Variants in SLCO1B1 observed in about 807,000 individuals in gnomAD.
The protein encoded by SLCO1B1 is solute carrier organic anion transporter family member 1B1.
In SLCO1B1, 81 loss-of-function variants were observed where a neutral mutation model predicts 70.1. The ratio of observed to expected loss-of-function variants is 1.16; its 90% CI spans 0.97 to 1.39. The LOEUF (loss-of-function observed/expected upper bound fraction) is 1.39, where lower values mean the gene tolerates loss of function less well. Ranked by LOEUF, SLCO1B1 falls within the 40% of genes most tolerant of loss-of-function variation. SLCO1B1 has a pLI of 0.00. For missense variants in SLCO1B1, 895 were observed against 799.6 expected (o/e 1.12, Z -1.44); for synonymous variants, 283 against 271.5 (o/e 1.04, Z -0.42).
intron 9 of SLCO1B1, 92 bp from the exon 10 acceptor site, chr12:21,202,399 G>A (rs528981550): frequency 9.8e-6 from 8 of 819,010 alleles, no homozygotes; most frequent in African/African-American, 1.7e-5. Context: ...CAATAATATT[G>A]AATAAATTTG....
intron 11 of SLCO1B1, among the ~76,000 whole-genome samples, chr12:21,213,858 G>A (rs1369275624): frequency 3.4e-5 from 5 of 148,412 alleles, no homozygotes; most frequent in Non-Finnish European, 7.4e-5. Flanking sequence ...TGATCGCATC[G>A]GCTCCTGAGG....
At position 21,210,525 on chromosome 12, in the gene SLCO1B1, A is replaced by G. The variant is rs1159259748; in HGVS notation, c.1497+4492A>G. On this transcript the variant is annotated intron_variant, in intron 11 of 14. Transcript: ENST00000256958. ...GCCTCCAGCTTTGTTCTTTTGGCTTAGGATTGACTTGGCGATGTGGGCTCT... is the reference window on the plus strand; with the variant it reads ...GCCTCCAGCTTTGTTCTTTTGGCTTGGGATTGACTTGGCGATGTGGGCTCT... Among the ~76,000 whole-genome samples the G allele has an allele frequency of 6.8e-5, 8 of 118,310 alleles. 1 individual carries two copies. Among genetic ancestry groups the G allele is most frequent in the Admixed American group, 6.6e-4 (8 of 12,150 alleles). 77.6% of individuals were successfully genotyped at this position (118,310 alleles called of 152,430 possible).
Position 21,141,543 on chromosome 12 carries a change from A to G in SLCO1B1, c.-32A>G. 7.0e-7 allele frequency: 1 copy of G among 1,422,302 alleles called. No homozygotes were observed. The highest frequency in any genetic ancestry group is 9.9e-7 in the Non-Finnish European group (1 of 1,008,208). 88.1% of individuals were successfully genotyped at this position (1,422,302 alleles called of 1,614,324 possible). A position where few individuals can be genotyped will look rare whatever the true frequency, so the allele number is the denominator to read the frequency against. ...TTGTTTCAAACTGAGCATCAACAACAAAAACATTTGTATGATATCTATATT... is the reference window on the plus strand; with the variant it reads ...TTGTTTCAAACTGAGCATCAACAACGAAAACATTTGTATGATATCTATATT... On this transcript the variant is annotated 5_prime_UTR_variant, in exon 2 of 15. Transcript: ENST00000256958.
At chr12:21,198,124 A>G (rs763390881) in intron 8 of SLCO1B1, among the ~76,000 whole-genome samples, 14 of 152,090 alleles carry the variant, frequency 9.2e-5, no homozygotes, top group Non-Finnish European at 1.8e-4. Context: ...TCCTTTCATC[A>G]GGTCTTTTAC....
At chr12:21,193,922 C>G (rs1270317255) in intron 7 of SLCO1B1, among the ~76,000 whole-genome samples, 1 of 152,248 alleles carries the variant, frequency 6.6e-6, no homozygotes, top group South Asian at 2.1e-4. Context: ...TCCCAAGTAG[C>G]TGGGACTACA....
intron 8 of SLCO1B1, among the ~76,000 whole-genome samples, chr12:21,198,548 G>C (rs1443276748): frequency 1.3e-5 from 2 of 152,052 alleles, no homozygotes; most frequent in Non-Finnish European, 2.9e-5. Context: ...GACAATTGTA[G>C]ACATAATCTC....
intron 2 of SLCO1B1, among the ~76,000 whole-genome samples, chr12:21,150,680 C>T (rs573434215): frequency 6.6e-6 from 1 of 152,218 alleles, no homozygotes; most frequent in South Asian, 2.1e-4. Flanking sequence ...ACACAAAAAC[C>T]CCATCTGAAA....
Position 21,202,544 on chromosome 12 carries a change from A to G in SLCO1B1, c.1189A>G (p.Ile397Val). 1 of 1,612,176 alleles carries G rather than the reference A, an allele frequency of 6.2e-7. No homozygotes were observed. Among genetic ancestry groups the G allele is most frequent in the Non-Finnish European group, 8.5e-7 (1 of 1,179,106 alleles). ...TGGAATGTTTTTAGGAGGATATATC[A>G]TTAAAAAATTCAAACTGAACACCGT... ...ASGMFLGGYI[I>V]KKFKLNTVGI... is the part of the protein sequence containing the mutation. Residue 397 changes from isoleucine to valine, a missense_variant, in exon 10 of 15, where the codon ATT becomes GTT. Physicochemically the swap from Ile to Val is conservative, Grantham distance 29 (BLOSUM62 3). Coordinates refer to ENST00000256958, the MANE Select transcript of SLCO1B1 (RefSeq NM_006446.5).
chr12:21,227,843 G>A (rs975895270), intron 14 of SLCO1B1, among the ~76,000 whole-genome samples: 10 of 152,004 alleles, frequency 6.6e-5, no homozygotes, highest in African/African-American at 2.4e-4. Flanking sequence ...TTTTTGTTCA[G>A]TGAAGGTTTA....
At chr12:21,149,394 T>G (rs1437554947) in intron 2 of SLCO1B1, among the ~76,000 whole-genome samples, 1 of 152,162 alleles carries the variant, frequency 6.6e-6, no homozygotes, top group Non-Finnish European at 1.5e-5. Context: ...TTGAGATATA[T>G]TCCATCAATA....
intron 7 of SLCO1B1, among the ~76,000 whole-genome samples, chr12:21,185,888 C>T (rs1940957446): frequency 6.6e-6 from 1 of 151,850 alleles, no homozygotes; most frequent in African/African-American, 2.4e-5. Context: ...ACAAAGATCA[C>T]ATTACAACTC....
intron 7 of SLCO1B1, among the ~76,000 whole-genome samples, chr12:21,194,179 C>G (rs1053388356): frequency 1.3e-5 from 2 of 151,252 alleles, no homozygotes; most frequent in African/African-American, 4.9e-5. Context: ...CCATGCCCGG[C>G]TTATTTTGTA....
chr12:21,212,554 G>C (rs1461135060), intron 11 of SLCO1B1, among the ~76,000 whole-genome samples: 3 of 125,394 alleles, frequency 2.4e-5, no homozygotes. Flanking sequence ...ATTTGGGGTG[G>C]AGAGTTCTGT....
chr12:21,223,199 G>A (rs1478741950), intron 13 of SLCO1B1, among the ~76,000 whole-genome samples: 1 of 152,104 alleles, frequency 6.6e-6, no homozygotes. Flanking sequence ...GAAAAAAAAT[G>A]AGTTTCACCA....
chr12:21,133,104 G>A (rs1188304558), intron 1 of SLCO1B1, among the ~76,000 whole-genome samples: 1 of 152,060 alleles, frequency 6.6e-6, no homozygotes, highest in East Asian at 1.9e-4. Context: ...TTTCCCCATT[G>A]CTTGTTTTTC....
intron 7 of SLCO1B1, among the ~76,000 whole-genome samples, chr12:21,193,735 T>G (rs1941057864): frequency 6.6e-6 from 1 of 152,186 alleles, no homozygotes; most frequent in Non-Finnish European, 1.5e-5. Context: ...AGCCAACCTA[T>G]ATCCTTAATG....
At chr12:21,183,634 A>G (rs1940930684) in intron 7 of SLCO1B1, among the ~76,000 whole-genome samples, 1 of 152,218 alleles carries the variant, frequency 6.6e-6, no homozygotes. Context: ...TTAAAGGAAC[A>G]CCATTCCTTC....
At chr12:21,189,212 T>G (rs927223433) in intron 7 of SLCO1B1, among the ~76,000 whole-genome samples, 2 of 152,208 alleles carry the variant, frequency 1.3e-5, no homozygotes, top group Non-Finnish European at 1.5e-5. Context: ...TGGCTGTACC[T>G]TTTTGTATTC....
intron 8 of SLCO1B1, among the ~76,000 whole-genome samples, chr12:21,197,841 A>G (rs1941112048): frequency 6.6e-6 from 1 of 152,160 alleles, no homozygotes; most frequent in Admixed American, 6.6e-5. Context: ...TAGACTAAGT[A>G]ATGTAAATTA....
Sources: allele counts gnomAD v4.1 joint callset (sites outside exome capture counted in the v4.1 genomes callset), GRCh38; gene constraint gnomAD v4.1.1; transcripts MANE v1.5; gene names NCBI Gene and HGNC (gene_info 2026-07-23, HGNC 2026-07-21).